Variants in RSF1 observed in about 807,000 individuals in gnomAD.
RSF1 encodes the protein remodeling and spacing factor 1.
RSF1 carries 13 observed loss-of-function variants against 145.2 expected under a neutral mutation model. The observed-to-expected ratio is 0.09, with a 90% CI of 0.06 to 0.14. The LOEUF (loss-of-function observed/expected upper bound fraction) is 0.14, where lower values mean the gene tolerates loss of function less well. RSF1 is among the 10% of genes least tolerant of loss of function. RSF1 has a pLI of 1.00. For missense variants in RSF1, 1,517 were observed against 1,718.2 expected (o/e 0.88, Z 2.07); for synonymous variants, 577 against 592.6 (o/e 0.97, Z 0.38).
At chr11:77,789,622 T>C (rs927771233) in intron 1 of RSF1, among the ~76,000 whole-genome samples, 2 of 152,098 alleles carry the variant, frequency 1.3e-5, no homozygotes, top group African/African-American at 4.8e-5. Flanking sequence ...GCTACTACCA[T>C]AGAAGGCAGC....
At position 77,675,096 on chromosome 11, in the gene RSF1, T is replaced by G; in HGVS notation, c.3502A>C (p.Lys1168Gln). ...TCATCATCATCGGAATATTTTTTCT[T>G]TGGGGTCTTTCTTCGCAAACGCCTG... ...QSRRLRRKTP[K>Q]KKYSDDDEEE... The change falls in exon 14 of 16, where the codon AAG becomes CAG. Residue 1168 changes from lysine to glutamine, a missense_variant. Transcript: ENST00000308488. The G allele has an allele frequency of 1.9e-6, 3 of 1,614,078 alleles. No homozygotes were observed. Among genetic ancestry groups the G allele is most frequent in the Non-Finnish European group, 2.5e-6 (3 of 1,179,992 alleles).
chr11:77,828,763 G>A, the RSF1 span, among the ~76,000 whole-genome samples: 18,031 of 152,126 alleles, frequency 0.12, 1,471 homozygotes, highest in Non-Finnish European at 0.17. Flanking sequence ...TCATGGATTG[G>A]AAGATTTAAT....
At chr11:77,779,405 G>A (rs374187395) in intron 1 of RSF1, among the ~76,000 whole-genome samples, 51 of 146,634 alleles carry the variant, frequency 3.5e-4, no homozygotes, top group African/African-American at 1.2e-3. Context: ...TTTTTGAGAT[G>A]GAGTTTCACT....
intron 1 of RSF1, among the ~76,000 whole-genome samples, chr11:77,775,149 G>A (rs1948328903): frequency 6.6e-6 from 1 of 151,466 alleles, no homozygotes; most frequent in Admixed American, 6.6e-5. Context: ...TCAGGAGGCT[G>A]AGACAGGAGA....
At chr11:77,833,009 A>ATATTT in the RSF1 span, among the ~76,000 whole-genome samples, 5 of 60,020 alleles carry the variant, frequency 8.3e-5, no homozygotes, top group African/African-American at 3.5e-4. Flanking sequence ...ATATATATAT[A>ATATTT]TTTTTTTTTT....
chr11:77,810,514 G>A (rs1352324503), intron 1 of RSF1, among the ~76,000 whole-genome samples: 1 of 152,158 alleles, frequency 6.6e-6, no homozygotes, highest in African/African-American at 2.4e-5. Flanking sequence ...TCATTCACAG[G>A]ACATTCTAGG....
At chr11:77,768,626 G>C (rs891083144) in intron 1 of RSF1, among the ~76,000 whole-genome samples, 1 of 152,100 alleles carries the variant, frequency 6.6e-6, no homozygotes, top group African/African-American at 2.4e-5. Context: ...TACTGTACTG[G>C]ATAGCACTGC....
At chr11:77,690,048 G>C (rs1960110102) in intron 9 of RSF1, among the ~76,000 whole-genome samples, 1 of 151,512 alleles carries the variant, frequency 6.6e-6, no homozygotes, top group Admixed American at 6.6e-5. Context: ...TGTAGTCCCA[G>C]CTACTCAGGA....
At chr11:77,859,996 C>T in the RSF1 span, among the ~76,000 whole-genome samples, 1 of 152,212 alleles carries the variant, frequency 6.6e-6, no homozygotes, top group Admixed American at 6.5e-5. Context: ...ATTAAGACTG[C>T]TATTGCTGCC....
chr11:77,719,287 A>G (rs1960889938), intron 5 of RSF1, among the ~76,000 whole-genome samples: 1 of 152,166 alleles, frequency 6.6e-6, no homozygotes, highest in African/African-American at 2.4e-5. Context: ...CACTTCAACA[A>G]TTAGCAACTC....
the RSF1 span, among the ~76,000 whole-genome samples, chr11:77,842,019 A>G: frequency 6.6e-6 from 1 of 152,224 alleles, no homozygotes. Flanking sequence ...CCAGGCAAGA[A>G]CAACAAAAAG....
chr11:77,742,176 G>A lies in RSF1; in HGVS notation c.373-1240C>T, dbSNP rs568086574. On this transcript the variant is annotated intron_variant, in intron 3 of 15. Transcript: ENST00000308488. ...GATATATATCCAGCAGTAGGATGCTGAATCATATGGTAGTTCTATTTTGAA... is the reference window on the plus strand; with the variant it reads ...GATATATATCCAGCAGTAGGATGCTAAATCATATGGTAGTTCTATTTTGAA... Among the ~76,000 whole-genome samples, 14 of 152,302 alleles carry A rather than the reference G, an allele frequency of 9.2e-5. 1 individual carries two copies. In the South Asian group the frequency reaches 2.9e-3, roughly 32 times the overall value.
chr11:77,678,065 G>A (rs765851491), intron 12 of RSF1, 21 bp downstream of exon 12: 4 of 1,591,700 alleles, frequency 2.5e-6, no homozygotes, highest in Non-Finnish European at 3.4e-6. Flanking sequence ...CTATGAAGAA[G>A]AGAGAACGAC....
intron 1 of RSF1, among the ~76,000 whole-genome samples, chr11:77,795,822 A>AT (rs1301437486): frequency 2.6e-5 from 4 of 152,192 alleles, no homozygotes; most frequent in African/African-American, 9.6e-5. Context: ...CTCTGGTAGA[A>AT]TTCGGCTGTG....
intron 2 of RSF1, among the ~76,000 whole-genome samples, chr11:77,760,666 T>C (rs1948162010): frequency 6.6e-6 from 1 of 152,198 alleles, no homozygotes; most frequent in Admixed American, 6.5e-5. Context: ...AAGGAACATC[T>C]AGTTCTTGTC....
At chr11:77,802,901 T>C (rs982910677) in intron 1 of RSF1, among the ~76,000 whole-genome samples, 4 of 152,114 alleles carry the variant, frequency 2.6e-5, no homozygotes, top group Non-Finnish European at 5.9e-5. Context: ...CAAACTATGA[T>C]ATATAGCGCC....
At chr11:77,704,753 G>GTTTTT (rs72141127) in intron 5 of RSF1, among the ~76,000 whole-genome samples, 15,203 of 133,822 alleles carry the variant, frequency 0.11, 956 homozygotes, top group Admixed American at 0.16. Flanking sequence ...GTTTGCCTTG[G>GTTTTT]TTTTTTTTTT....
At chr11:77,782,663 G>A (rs1948415971) in intron 1 of RSF1, among the ~76,000 whole-genome samples, 1 of 150,544 alleles carries the variant, frequency 6.6e-6, no homozygotes, top group Non-Finnish European at 1.5e-5. Flanking sequence ...GGGTAGAGGG[G>A]AAAAAAAAAT....
chr11:77,752,505 T>C (rs1433451959), intron 2 of RSF1, among the ~76,000 whole-genome samples: 4 of 152,168 alleles, frequency 2.6e-5, no homozygotes, highest in Admixed American at 1.3e-4. Context: ...CATCAATTCA[T>C]CTATAAAACC....
Sources: gnomAD v4.1 joint callset for allele counts (sites outside exome capture counted in the v4.1 genomes callset) on GRCh38, gnomAD v4.1.1 for gene constraint, MANE v1.5 for transcripts, NCBI Gene and HGNC (gene_info 2026-07-23, HGNC 2026-07-21) for gene names.